CDK5RAP2: variants seen among roughly 807,000 people sequenced by gnomAD.
CDK5RAP2 encodes the protein CDK5 regulatory subunit-associated protein 2.
CDK5RAP2 carries 147 observed loss-of-function variants against 232.9 expected under a neutral mutation model. The observed-to-expected ratio is 0.63, with a 90% CI of 0.55 to 0.72. The LOEUF (loss-of-function observed/expected upper bound fraction) is 0.72. Among genes scored for constraint, CDK5RAP2 ranks in the 30% least tolerant of loss-of-function variants. The pLI, the probability that CDK5RAP2 is intolerant of heterozygous loss-of-function variation, is 0.00. For missense variants in CDK5RAP2, 2,195 were observed against 2,231.5 expected, an observed-to-expected ratio of 0.98 and a Z score of 0.33; for synonymous variants, 833 against 833.7, an observed-to-expected ratio of 1.00 and a Z score of 0.01.
At position 120,437,418 on chromosome 9, in the gene CDK5RAP2, T is replaced by C; in HGVS notation, c.3832A>G (p.Ile1278Val). 6.2e-7 allele frequency: 1 copy of C among 1,614,172 alleles called. No individual in the cohort carries two copies. The highest frequency in any genetic ancestry group is 2.2e-5 in the East Asian group (1 of 44,888). The part of the protein sequence containing the change: ...VISRQHMNTM[I>V]KAFEELLQAS... Reference sequence around the variant, plus strand: ...TGCAGCAACTCCTCAAATGCCTTAATCATGGTGTTCATGTGTTGACGGGAG... The same window carrying C: ...TGCAGCAACTCCTCAAATGCCTTAACCATGGTGTTCATGTGTTGACGGGAG... Residue 1278 changes from isoleucine to valine, a missense_variant, in exon 25 of 38, where the codon ATT becomes GTT. Ile to Val is a conservative substitution (Grantham distance 29, BLOSUM62 3). Coordinates refer to ENST00000349780, the MANE Select transcript of CDK5RAP2 (RefSeq NM_018249.6).
intron 9 of CDK5RAP2, among the ~76,000 whole-genome samples, 153 bp from the exon 10 acceptor site, chr9:120,528,078 C>T (rs1194375312): frequency 6.6e-6 from 1 of 152,218 alleles, no homozygotes; most frequent in Non-Finnish European, 1.5e-5. Context: ...AACATAGTGC[C>T]ATCAGCTCCA....
At chr9:120,391,326 G>T (rs1020752575) in intron 36 of CDK5RAP2, among the ~76,000 whole-genome samples, 2 of 152,128 alleles carry the variant, frequency 1.3e-5, no homozygotes, top group African/African-American at 4.8e-5. Context: ...CCAAAGCACA[G>T]AAATCCCCAC....
At chr9:120,513,478 C>T (rs1015125250) in intron 12 of CDK5RAP2, among the ~76,000 whole-genome samples, 2 of 152,190 alleles carry the variant, frequency 1.3e-5, no homozygotes, top group Admixed American at 6.5e-5. Flanking sequence ...CCACCCTTTA[C>T]TGCAGCCCCA....
In CDK5RAP2 at chr9:120,411,491, A is replaced by ACTAGTTC; in HGVS notation, c.4298-18_4298-17insGAACTAG. 7.4e-7 allele frequency: 1 copy of ACTAGTTC among 1,360,176 alleles called. No homozygotes were observed. Among genetic ancestry groups the ACTAGTTC allele is most frequent in the Non-Finnish European group, 1.1e-6 (1 of 949,608 alleles). 84.3% of individuals were successfully genotyped at this position (1,360,176 alleles called of 1,614,324 possible). A position where few individuals can be genotyped will look rare whatever the true frequency, so the allele number is the denominator to read the frequency against. ...TTGTAGAACCTATAAAAACACACAT[A>ACTAGTTC]AAAACTGATTTATAAACAGTCTCCA... On this transcript the variant is annotated splice_polypyrimidine_tract_variant and intron_variant, in intron 28 of 37. Coordinates refer to ENST00000349780, the MANE Select transcript of CDK5RAP2 (RefSeq NM_018249.6).
intron 3 of CDK5RAP2, among the ~76,000 whole-genome samples, chr9:120,557,857 C>G (rs1477066898): frequency 1.3e-5 from 2 of 149,062 alleles, no homozygotes; most frequent in South Asian, 4.2e-4. Context: ...CTCCGCCTTC[C>G]GGGTTCAAGC....
chr9:120,560,189 T>C (rs1357938970), intron 3 of CDK5RAP2, among the ~76,000 whole-genome samples: 1 of 152,232 alleles, frequency 6.6e-6, no homozygotes, highest in Admixed American at 6.5e-5. Flanking sequence ...GTGTGTGACC[T>C]TGGGAAAATT....
At chr9:120,494,888 G>A in intron 12 of CDK5RAP2, among the ~76,000 whole-genome samples, 1 of 145,158 alleles carries the variant, frequency 6.9e-6, no homozygotes. Flanking sequence ...GCAGTGCGGA[G>A]CCAGGACAGT....
intron 20 of CDK5RAP2, among the ~76,000 whole-genome samples, chr9:120,456,291 G>A (rs189512882): frequency 5.9e-4 from 90 of 152,286 alleles, no homozygotes; most frequent in Admixed American, 1.6e-3. Flanking sequence ...TTCTCACTTC[G>A]GTTTCTACTA....
chr9:120,400,427 T>C (rs1007254876), intron 35 of CDK5RAP2, among the ~76,000 whole-genome samples: 1 of 152,034 alleles, frequency 6.6e-6, no homozygotes, highest in Non-Finnish European at 1.5e-5. Context: ...AAACATTGGG[T>C]TCCAATATTT....
chr9:120,419,158 C>G (rs946506597), intron 27 of CDK5RAP2, among the ~76,000 whole-genome samples: 3 of 152,218 alleles, frequency 2.0e-5, no homozygotes, highest in African/African-American at 7.2e-5. Context: ...TGGCAGTCTG[C>G]AACCTGGAAG....
chr9:120,481,939 T>C (rs1453160033), intron 14 of CDK5RAP2, among the ~76,000 whole-genome samples: 1 of 152,198 alleles, frequency 6.6e-6, no homozygotes, highest in Non-Finnish European at 1.5e-5. Context: ...GGCAAACACT[T>C]GATATATGTC....
chr9:120,482,363 T>C (rs2038366662), intron 14 of CDK5RAP2, among the ~76,000 whole-genome samples: 1 of 152,142 alleles, frequency 6.6e-6, no homozygotes, highest in African/African-American at 2.4e-5. Flanking sequence ...ATTCCAAAGA[T>C]TCCTCGGAAT....
At chr9:120,572,134 G>A (rs1352616493) in intron 1 of CDK5RAP2, 93 bp from the exon 2 acceptor site, 1 of 981,206 alleles carries the variant, frequency 1.0e-6, no homozygotes, top group Non-Finnish European at 1.6e-6. Flanking sequence ...ATCATCCCAT[G>A]GCCAGGAGGG....
rs587783383 is a variant in CDK5RAP2 at position 120,453,605 on chromosome 9, G to C, written c.2644C>G (p.Leu882Val). Residue 882 changes from leucine to valine, a missense_variant, in exon 21 of 38, where the codon CTG (leucine) becomes GTG (valine). Coordinates refer to ENST00000349780, the MANE Select transcript of CDK5RAP2 (RefSeq NM_018249.6). ...GTTGCTTCATGCTTGAATCTCAGCA[G>C]GTCGCCCTCCGTGGCCACAGTCTGC... ...SVQTVATEGD[L>V]LRFKHEATRE... 4.5e-5 allele frequency: 72 copies of C among 1,614,054 alleles called. No individual in the cohort carries two copies. The highest frequency in any genetic ancestry group is 5.3e-5 in the Non-Finnish European group (62 of 1,180,040).
chr9:120,421,004 CT>C (rs1337993022), intron 26 of CDK5RAP2, among the ~76,000 whole-genome samples: 1 of 152,228 alleles, frequency 6.6e-6, no homozygotes, highest in Non-Finnish European at 1.5e-5. Context: ...ACTCCAACTC[CT>C]TCTGCAAGCA....
intron 16 of CDK5RAP2, among the ~76,000 whole-genome samples, chr9:120,470,583 AT>A (rs1258764126): frequency 1.3e-5 from 2 of 152,136 alleles, no homozygotes; most frequent in Non-Finnish European, 2.9e-5. Flanking sequence ...TTAGGGGAAA[AT>A]GCAGAAAAAT....
At chr9:120,401,048 G>A in intron 34 of CDK5RAP2, 163 bp from the exon 35 acceptor site, 3 of 667,146 alleles carry the variant, frequency 4.5e-6, no homozygotes, top group Non-Finnish European at 7.6e-6. Flanking sequence ...TTAAAGACTG[G>A]TGAATTGTAG....
chr9:120,568,325 T>G lies in CDK5RAP2; in HGVS notation c.191A>C (p.Glu64Ala). The G allele has an allele frequency of 6.2e-7, 1 of 1,612,210 alleles. No homozygotes were observed. Among genetic ancestry groups the G allele is most frequent in the Non-Finnish European group, 8.5e-7 (1 of 1,178,208 alleles). The part of the protein sequence containing the change: ...PTRARNMKDF[E>A]NQITELKKEN... Reference sequence around the variant, plus strand: ...TAATTTGGTATTTCCACTTACATTTTCAAAGTCCTTCATGTTCCGTGCTCT... The same window carrying G: ...TAATTTGGTATTTCCACTTACATTTGCAAAGTCCTTCATGTTCCGTGCTCT... Residue 64 changes from glutamate (E) to alanine (A), a missense_variant, in exon 3 of 38, where the codon GAA becomes GCA. By Grantham distance (107) the Glu-to-Ala change is moderately radical (BLOSUM62 -1). Transcript: ENST00000349780.
chr9:120,433,401 G>T (rs2035392953), intron 25 of CDK5RAP2, among the ~76,000 whole-genome samples: 1 of 152,180 alleles, frequency 6.6e-6, no homozygotes, highest in African/African-American at 2.4e-5. Flanking sequence ...ACTGAGCCAA[G>T]CAAGGCTTCA....
Sources: allele counts gnomAD v4.1 joint callset (sites outside exome capture counted in the v4.1 genomes callset), GRCh38; gene constraint gnomAD v4.1.1; transcripts MANE v1.5; gene names NCBI Gene and HGNC (gene_info 2026-07-23, HGNC 2026-07-21).